LRCH1: variants seen among roughly 807,000 people sequenced by gnomAD.
LRCH1 encodes leucine rich repeats and calponin homology domain containing 1.
In LRCH1, 23 loss-of-function variants were observed where a neutral mutation model predicts 94.9. The ratio of observed to expected loss-of-function variants is 0.24; its 90% CI spans 0.17 to 0.34. LRCH1 has a LOEUF of 0.34. LRCH1 is among the 10% of genes least tolerant of loss of function. The pLI, the probability that LRCH1 is intolerant of heterozygous loss-of-function variation, is 1.00. For synonymous variants in LRCH1, 364 were observed against 354.9 expected (o/e 1.03, Z -0.29); for missense variants, 790 against 945.9 (o/e 0.84, Z 2.16).
intron 1 of LRCH1, among the ~76,000 whole-genome samples, chr13:46,643,230 T>G (rs1411590341): frequency 1.3e-5 from 2 of 152,222 alleles, no homozygotes; most frequent in Non-Finnish European, 2.9e-5. Flanking sequence ...CTATGAGCTC[T>G]TATTCTTTCT....
chr13:46,636,377 C>G (rs1380181187), intron 1 of LRCH1, among the ~76,000 whole-genome samples: 2 of 152,132 alleles, frequency 1.3e-5, no homozygotes, highest in Non-Finnish European at 2.9e-5. Flanking sequence ...TGGCCCATCT[C>G]AACCATTCTT....
chr13:46,695,795 G>C (rs1871151376), intron 9 of LRCH1, among the ~76,000 whole-genome samples: 1 of 152,162 alleles, frequency 6.6e-6, no homozygotes, highest in Non-Finnish European at 1.5e-5. Flanking sequence ...ATTGTGTCCT[G>C]ATGGCTGGAC....
intron 3 of LRCH1, among the ~76,000 whole-genome samples, chr13:46,673,546 C>T (rs1042352067): frequency 3.3e-5 from 5 of 152,030 alleles, no homozygotes; most frequent in African/African-American, 1.2e-4. Context: ...CTAGAATTGC[C>T]GTGGGAGGCT....
At chr13:46,718,239 A>G (rs1433922776) in intron 16 of LRCH1, among the ~76,000 whole-genome samples, 1 of 152,228 alleles carries the variant, frequency 6.6e-6, no homozygotes, top group African/African-American at 2.4e-5. Flanking sequence ...TCACCAGAGA[A>G]TGGATGAATG....
chr13:46,741,513 C>T, intron 19 of LRCH1, 129 bp from the exon 20 acceptor site: 1 of 1,030,740 alleles, frequency 9.7e-7, no homozygotes, highest in Non-Finnish European at 1.5e-6. Context: ...GTCTTACCTG[C>T]TTGAAATAAG....
At chr13:46,686,503 C>G (rs957724203) in intron 5 of LRCH1, among the ~76,000 whole-genome samples, 14 of 151,996 alleles carry the variant, frequency 9.2e-5, no homozygotes, top group African/African-American at 3.1e-4. Flanking sequence ...CACAGAAAGG[C>G]CGAGGGAAAG....
At chr13:46,712,801 A>G (rs1171636518) in intron 15 of LRCH1, among the ~76,000 whole-genome samples, 2 of 152,182 alleles carry the variant, frequency 1.3e-5, no homozygotes, top group South Asian at 2.1e-4. Context: ...TGGATATTCT[A>G]TCTTCGTTTG....
At chr13:46,643,469 G>A (rs1035347400) in intron 1 of LRCH1, among the ~76,000 whole-genome samples, 1 of 152,056 alleles carries the variant, frequency 6.6e-6, no homozygotes, top group African/African-American at 2.4e-5. Context: ...ACCAGACGTT[G>A]TTTTATTTCT....
rs553816120 is a variant in LRCH1, at chr13:46,700,070, T to C, written c.1313+667T>C. On this transcript the variant is annotated intron_variant, in intron 10 of 19. Transcript: ENST00000389797. Reference sequence around the variant, plus strand: ...ATCCTTCTACTCTATTGTGTATAAATATTTATTTAGCAAGATTTACAGGGG... The same window carrying C: ...ATCCTTCTACTCTATTGTGTATAAACATTTATTTAGCAAGATTTACAGGGG... Among the ~76,000 whole-genome samples the C allele has an allele frequency of 3.3e-5, 5 of 152,308 alleles. No individual in the cohort carries two copies. In the South Asian group the frequency reaches 1.0e-3, roughly 32 times the overall value.
intron 19 of LRCH1, among the ~76,000 whole-genome samples, chr13:46,739,749 G>A (rs1161859333): frequency 1.3e-5 from 2 of 152,124 alleles, no homozygotes; most frequent in Non-Finnish European, 1.5e-5. Flanking sequence ...TAGAGATTAT[G>A]ATTTAATTTA....
chr13:46,599,653 G>GCA (rs1358348643), intron 1 of LRCH1, among the ~76,000 whole-genome samples: 6 of 152,166 alleles, frequency 3.9e-5, no homozygotes, highest in Non-Finnish European at 7.3e-5. Context: ...AAACTTAGTA[G>GCA]CATTTATTAG....
chr13:46,716,219 T>C (rs71432931), intron 16 of LRCH1, among the ~76,000 whole-genome samples: 2,530 of 152,216 alleles, frequency 0.017, 30 homozygotes, highest in Non-Finnish European at 0.024. Context: ...TGAGTATAGG[T>C]TCATCTTTTT....
chr13:46,614,735 G>A (rs2050786021), intron 1 of LRCH1, among the ~76,000 whole-genome samples: 2 of 151,958 alleles, frequency 1.3e-5, no homozygotes, highest in Non-Finnish European at 1.5e-5. Flanking sequence ...GCCGGGGAGC[G>A]CCAGACTCAG....
At chr13:46,727,949 C>G (rs982940855) in intron 17 of LRCH1, among the ~76,000 whole-genome samples, 2 of 150,386 alleles carry the variant, frequency 1.3e-5, no homozygotes, top group African/African-American at 2.5e-5. Context: ...TGGGATCTCA[C>G]TCTGTCAACC....
chr13:46,744,160 T>C lies in LRCH1; in HGVS notation c.*2312T>C. ...CCCGTGCACCAGCCCATATGCTAAC[T>C]GGATGCCTGCGGATGCCTGCCCTTG... On this transcript the variant is annotated 3_prime_UTR_variant, in exon 20 of 20. Coordinates refer to ENST00000389797, the MANE Select transcript of LRCH1 (RefSeq NM_001164211.2). 2 of 985,420 alleles carry C rather than the reference T, an allele frequency of 2.0e-6. No homozygotes were observed. The highest frequency in any genetic ancestry group is 2.4e-6 in the Non-Finnish European group (2 of 829,928). 61.0% of individuals were successfully genotyped at this position (985,420 alleles called of 1,614,324 possible). A position where few individuals can be genotyped will look rare whatever the true frequency, so the allele number is the denominator to read the frequency against.
intron 9 of LRCH1, among the ~76,000 whole-genome samples, chr13:46,696,230 A>T (rs975805883): frequency 4.6e-4 from 63 of 137,224 alleles, no homozygotes; most frequent in African/African-American, 1.8e-3. Flanking sequence ...ACACACACAC[A>T]CACTCTTTAT....
downstream of LRCH1, among the ~76,000 whole-genome samples, chr13:46,745,742 A>G (rs1007996627): frequency 6.6e-6 from 1 of 152,228 alleles, no homozygotes; most frequent in Non-Finnish European, 1.5e-5. Flanking sequence ...AGGACTTTAT[A>G]TATAAGAAGC....
chr13:46,641,326 T>C (rs933285712), intron 1 of LRCH1, among the ~76,000 whole-genome samples: 10 of 152,136 alleles, frequency 6.6e-5, no homozygotes, highest in Non-Finnish European at 1.5e-4. Flanking sequence ...AAGGACTATC[T>C]TCACCAAGGC....
rs573445656 is a variant in LRCH1 at position 46,696,596 on chromosome 13, C to T, written c.1245+1579C>T. Among the ~76,000 whole-genome samples the T allele has an allele frequency of 2.7e-3, 407 of 152,256 alleles. 1 individual carries two copies. The highest frequency in any genetic ancestry group is 6.8e-3 in the Middle Eastern group (2 of 294). ...ACAGAATGGGTCCTGTAGATGGAAA[C>T]TAGAGGAGCAGATAGGCGTGTGGAA... On this transcript the variant is annotated intron_variant, in intron 9 of 19. Coordinates refer to ENST00000389797, the MANE Select transcript of LRCH1 (RefSeq NM_001164211.2).
Sources: allele counts gnomAD v4.1 joint callset (sites outside exome capture counted in the v4.1 genomes callset), GRCh38; gene constraint gnomAD v4.1.1; transcripts MANE v1.5; gene names NCBI Gene and HGNC (gene_info 2026-07-23, HGNC 2026-07-21).